NLN: variants seen among roughly 807,000 people sequenced by gnomAD.
NLN encodes the protein neurolysin, also known as neurolysin, mitochondrial.
A neutral mutation model predicts 79.9 loss-of-function variants in NLN; 64 were observed. The observed-to-expected ratio is 0.80, with a 90% confidence interval of 0.65 to 0.99. The LOEUF (loss-of-function observed/expected upper bound fraction) is 0.99. NLN is among the 50% of genes least tolerant of loss of function. The probability of loss-of-function intolerance (pLI) is 0.00; values close to 1 mark genes in which losing one functional copy is unlikely to be tolerated. For synonymous variants in NLN, 267 were observed against 296.6 expected (o/e 0.90, Z 1.02); for missense variants, 835 against 858.7 (o/e 0.97, Z 0.34).
At chr5:65,795,279 T>C (rs1205008246) in intron 9 of NLN, among the ~76,000 whole-genome samples, 2 of 152,114 alleles carry the variant, frequency 1.3e-5, no homozygotes, top group African/African-American at 4.8e-5. Flanking sequence ...CCCCAGCACT[T>C]TGGGAGGCTG....
intron 9 of NLN, among the ~76,000 whole-genome samples, chr5:65,795,717 A>G (rs904450046): frequency 6.6e-6 from 1 of 152,194 alleles, no homozygotes; most frequent in Non-Finnish European, 1.5e-5. Flanking sequence ...GTCTATTATC[A>G]TAGCACTAGG....
At chr5:65,760,704 G>A (rs1451259560) in intron 2 of NLN, among the ~76,000 whole-genome samples, 1 of 152,122 alleles carries the variant, frequency 6.6e-6, no homozygotes, top group African/African-American at 2.4e-5. Context: ...GTGGAGATGG[G>A]ATCTCACTAT....
chr5:65,823,044 A>T lies in NLN; in HGVS notation c.*129A>T, dbSNP rs1447827942. The T allele has an allele frequency of 3.0e-6, 2 of 655,960 alleles. No individual in the cohort carries two copies. The highest frequency in any genetic ancestry group is 5.6e-5 in the East Asian group (2 of 35,902). 40.6% of individuals were successfully genotyped at this position (655,960 alleles called of 1,614,324 possible). On this transcript the variant is annotated 3_prime_UTR_variant, in exon 13 of 13. Coordinates refer to ENST00000380985, the MANE Select transcript of NLN (RefSeq NM_020726.5). ...TTCTATTGACATCCTTTTGTTTTCT[A>T]ATTTTAAAAATTATAAAGATGTAAA...
At chr5:65,776,522 C>A (rs963428198) in intron 3 of NLN, among the ~76,000 whole-genome samples, 1 of 152,146 alleles carries the variant, frequency 6.6e-6, no homozygotes, top group Non-Finnish European at 1.5e-5. Flanking sequence ...CAATAGAAGG[C>A]CTATAAGGCT....
intron 1 of NLN, among the ~76,000 whole-genome samples, chr5:65,750,328 A>G (rs1759077338): frequency 6.6e-6 from 1 of 152,208 alleles, no homozygotes; most frequent in African/African-American, 2.4e-5. Flanking sequence ...CATTTAAATA[A>G]CCACATGTAC....
intron 3 of NLN, among the ~76,000 whole-genome samples, chr5:65,774,871 C>T (rs1315801154): frequency 3.3e-5 from 5 of 151,860 alleles, no homozygotes; most frequent in Admixed American, 2.6e-4. Context: ...ATTACACACA[C>T]ATGCCACCAC....
intron 6 of NLN, among the ~76,000 whole-genome samples, chr5:65,784,362 T>C (rs1252252661): frequency 6.6e-6 from 1 of 152,188 alleles, no homozygotes; most frequent in Non-Finnish European, 1.5e-5. Flanking sequence ...CCCTGAAACA[T>C]TTTTAAAAGC....
intron 3 of NLN, among the ~76,000 whole-genome samples, chr5:65,774,534 G>A (rs552868672): frequency 1.3e-5 from 2 of 152,184 alleles, no homozygotes; most frequent in Admixed American, 6.5e-5. Flanking sequence ...CTCTGGGATA[G>A]GAATGTGCTT....
At chr5:65,753,645 A>G (rs572125170) in intron 1 of NLN, among the ~76,000 whole-genome samples, 11 of 150,038 alleles carry the variant, frequency 7.3e-5, no homozygotes, top group Admixed American at 4.0e-4. Flanking sequence ...GTGAGACTCT[A>G]TCTCCAAAAA....
Position 65,788,231 on chromosome 5 carries a change from G to T in NLN, c.1072G>T (p.Ala358Ser). ...RGFEYDGKIN[A>S]WDLYYYMTQT... ...TTTTGAATATGATGGGAAAATCAATGCCTGGGATCTATATTACTACATGAC... is the reference window on the plus strand; with the variant it reads ...TTTTGAATATGATGGGAAAATCAATTCCTGGGATCTATATTACTACATGAC... Residue 358 changes from alanine to serine, a missense_variant, in exon 8 of 13, where the codon GCC becomes TCC. Ala to Ser is a moderately conservative substitution (Grantham distance 99). Coordinates refer to ENST00000380985, the MANE Select transcript of NLN (RefSeq NM_020726.5). 2 of 1,614,184 alleles carry T rather than the reference G, an allele frequency of 1.2e-6. No individual in the cohort carries two copies. The highest frequency in any genetic ancestry group is 4.5e-5 in the East Asian group (2 of 44,882).
At chr5:65,760,154 A>G (rs1412583580) in intron 2 of NLN, among the ~76,000 whole-genome samples, 1 of 152,150 alleles carries the variant, frequency 6.6e-6, no homozygotes, top group Non-Finnish European at 1.5e-5. Flanking sequence ...CTATCCCTTC[A>G]TCACCAAGAG....
chr5:65,752,951 G>C (rs916367346), intron 1 of NLN, among the ~76,000 whole-genome samples: 8 of 152,150 alleles, frequency 5.3e-5, no homozygotes, highest in African/African-American at 1.9e-4. Context: ...TTTTGTTTCT[G>C]TCTTTTTAGC....
At chr5:65,758,501 C>T in intron 1 of NLN, 66 bp from the exon 2 acceptor site, 1 of 1,050,674 alleles carries the variant, frequency 9.5e-7, no homozygotes, top group Non-Finnish European at 1.4e-6. Flanking sequence ...TTATAATGCA[C>T]ATTCATATGT....
At chr5:65,726,569 C>G (rs775660075) in intron 1 of NLN, among the ~76,000 whole-genome samples, 1 of 152,156 alleles carries the variant, frequency 6.6e-6, no homozygotes, top group African/African-American at 2.4e-5. Flanking sequence ...GAACCCCTCC[C>G]CATACCTCTA....
chr5:65,804,331 G>C (rs114638187), intron 9 of NLN, among the ~76,000 whole-genome samples: 1,733 of 152,278 alleles, frequency 0.011, 29 homozygotes, highest in African/African-American at 0.039. Context: ...ATTTAAATCA[G>C]ATAATCCATG....
chr5:65,774,913 C>T (rs909571598), intron 3 of NLN, among the ~76,000 whole-genome samples: 3 of 151,700 alleles, frequency 2.0e-5, no homozygotes, highest in Admixed American at 6.6e-5. Flanking sequence ...TTAGTAGAGA[C>T]GGGGTTTTGC....
At chr5:65,774,002 A>G (rs1759624829) in intron 3 of NLN, among the ~76,000 whole-genome samples, 2 of 151,746 alleles carry the variant, frequency 1.3e-5, no homozygotes, top group South Asian at 4.2e-4. Context: ...ATGATTAAGG[A>G]TGGTAATACA....
At chr5:65,806,662 T>C (rs1045329102) in intron 9 of NLN, among the ~76,000 whole-genome samples, 1 of 152,210 alleles carries the variant, frequency 6.6e-6, no homozygotes, top group Non-Finnish European at 1.5e-5. Context: ...CTGGTGAAGA[T>C]GCTATGAATA....
chr5:65,791,423 T>C (rs1760055254), intron 8 of NLN, among the ~76,000 whole-genome samples: 1 of 152,126 alleles, frequency 6.6e-6, no homozygotes, highest in African/African-American at 2.4e-5. Context: ...CTGGGTGTGG[T>C]GGCAGGCACT....
Sources: allele counts gnomAD v4.1 joint callset (sites outside exome capture counted in the v4.1 genomes callset), GRCh38; gene constraint gnomAD v4.1.1; transcripts MANE v1.5; gene names NCBI Gene and HGNC (gene_info 2026-07-23, HGNC 2026-07-21).